LARGE1: variants seen among roughly 807,000 people sequenced by gnomAD.
The protein encoded by LARGE1 is LARGE xylosyl- and glucuronyltransferase 1.
A neutral mutation model predicts 87.6 loss-of-function variants in LARGE1; 43 were observed. That is an observed-to-expected ratio of 0.49 (90% confidence interval 0.38 to 0.63). The LOEUF (loss-of-function observed/expected upper bound fraction) is 0.63, where lower values mean the gene tolerates loss of function less well. LARGE1 is among the 30% of genes least tolerant of loss of function. The pLI is 0.00. For synonymous variants in LARGE1, 434 were observed against 394.6 expected (o/e 1.10, Z -1.18); for missense variants, 802 against 1,000.2 (o/e 0.80, Z 2.67).
At chr22:33,818,859 C>T (rs1044651027) in intron 1 of LARGE1, among the ~76,000 whole-genome samples, 5 of 152,172 alleles carry the variant, frequency 3.3e-5, no homozygotes, top group Admixed American at 2.6e-4. Context: ...AGGACTTCCC[C>T]CACCTTCAGG....
intron 6 of LARGE1, among the ~76,000 whole-genome samples, chr22:33,516,376 C>A (rs1318493956): frequency 1.3e-5 from 2 of 152,102 alleles, no homozygotes; most frequent in Non-Finnish European, 2.9e-5. Context: ...GACACAGGAT[C>A]TAAAGGGCCT....
At chr22:33,626,212 C>A in intron 4 of LARGE1, 32 bp downstream of exon 4, 1 of 1,589,288 alleles carries the variant, frequency 6.3e-7, no homozygotes, top group Non-Finnish European at 8.6e-7. Context: ...AGTGACAGAC[C>A]TCAGCCCACA....
At chr22:33,771,383 T>C (rs2085064275) in intron 1 of LARGE1, among the ~76,000 whole-genome samples, 1 of 152,082 alleles carries the variant, frequency 6.6e-6, no homozygotes, top group African/African-American at 2.4e-5. Context: ...GAAATCACAC[T>C]CTCAGGCTGG....
chr22:33,439,640 C>T (rs915521329), intron 6 of LARGE1, among the ~76,000 whole-genome samples: 14 of 152,162 alleles, frequency 9.2e-5, no homozygotes, highest in African/African-American at 3.1e-4. Flanking sequence ...ACACTATTGA[C>T]TGGAAGATGA....
At chr22:33,381,398 T>C (rs1321711444) in intron 9 of LARGE1, among the ~76,000 whole-genome samples, 2 of 152,174 alleles carry the variant, frequency 1.3e-5, no homozygotes, top group Non-Finnish European at 1.5e-5. Flanking sequence ...GCTTTTTCTG[T>C]CATTGTCCGC....
At chr22:33,358,265 A>G (rs1941082672) in intron 9 of LARGE1, among the ~76,000 whole-genome samples, 1 of 150,882 alleles carries the variant, frequency 6.6e-6, no homozygotes, top group South Asian at 2.1e-4. Flanking sequence ...GAAGGTAGTA[A>G]TTCGAGATTT....
At chr22:33,127,415 G>A in the LARGE1 span, among the ~76,000 whole-genome samples, 2 of 152,150 alleles carry the variant, frequency 1.3e-5, no homozygotes, top group African/African-American at 2.4e-5. Flanking sequence ...AGAGTTAAAC[G>A]CACTAAATAT....
chr22:33,632,743 G>C (rs774245495), intron 3 of LARGE1, among the ~76,000 whole-genome samples: 11 of 152,136 alleles, frequency 7.2e-5, no homozygotes, highest in Non-Finnish European at 1.6e-4. Context: ...CTGTTGGCTG[G>C]AAAGAAAGCA....
At chr22:33,572,200 A>G (rs945164168) in intron 5 of LARGE1, 41 of 1,290,840 alleles carry the variant, frequency 3.2e-5, no homozygotes, top group Non-Finnish European at 3.9e-5. Flanking sequence ...TTAAAAAATT[A>G]AAAAAAGAAG....
At chr22:33,830,463 C>T (rs979434456) in intron 1 of LARGE1, among the ~76,000 whole-genome samples, 6 of 152,144 alleles carry the variant, frequency 3.9e-5, no homozygotes, top group Non-Finnish European at 7.3e-5. Flanking sequence ...GACTCTTGTG[C>T]CAGATGGCCT....
chr22:33,715,737 A>G (rs2082889368), intron 2 of LARGE1, among the ~76,000 whole-genome samples: 1 of 152,144 alleles, frequency 6.6e-6, no homozygotes, highest in Non-Finnish European at 1.5e-5. Context: ...AACACATGGC[A>G]AGGACTGGAA....
In LARGE1 at chr22:33,761,425, G is replaced by A. The variant is rs1457282996; in HGVS notation, c.52C>T (p.Leu18Phe). 7.4e-6 allele frequency: 12 copies of A among 1,614,000 alleles called. No individual in the cohort carries two copies. The highest frequency in any genetic ancestry group is 1.0e-5 in the Non-Finnish European group (12 of 1,179,998). ...RRKFLAASLSLLCIPAITWIY... is the reference protein window; with the variant it reads ...RRKFLAASLSFLCIPAITWIY... ...CAGGTGATGGCTGGGATGCAGAGAA[G>A]ACTCAACGAGGCAGCCAAGAATTTC... The change falls in exon 2 of 15, where the codon CTT becomes TTT. Residue 18 changes from leucine to phenylalanine, a missense_variant. Physicochemically the swap from Leu to Phe is conservative, Grantham distance 22. Transcript: ENST00000397394.
intron 6 of LARGE1, among the ~76,000 whole-genome samples, chr22:33,446,400 C>G (rs2067687672): frequency 6.6e-6 from 1 of 152,312 alleles, no homozygotes; most frequent in South Asian, 2.1e-4. Flanking sequence ...TCTGACTTTG[C>G]AGCCTGGGGC....
At chr22:33,659,894 G>A (rs897909192) in intron 2 of LARGE1, among the ~76,000 whole-genome samples, 1 of 152,066 alleles carries the variant, frequency 6.6e-6, no homozygotes, top group South Asian at 2.1e-4. Flanking sequence ...TTCCAAGAAC[G>A]TTAGCTTAAA....
At chr22:33,646,093 A>C (rs1164519257) in intron 3 of LARGE1, among the ~76,000 whole-genome samples, 1 of 152,192 alleles carries the variant, frequency 6.6e-6, no homozygotes, top group Non-Finnish European at 1.5e-5. Flanking sequence ...CTGGGTATAT[A>C]CCCAAAGGAT....
the LARGE1 span, among the ~76,000 whole-genome samples, chr22:33,126,461 C>T: frequency 6.6e-6 from 1 of 152,212 alleles, no homozygotes; most frequent in South Asian, 2.1e-4. Context: ...AATTTTGTAT[C>T]GTGCATTGCT....
chr22:33,240,616 C>T (rs1043442874), intron 11 of LARGE1, among the ~76,000 whole-genome samples: 2 of 152,104 alleles, frequency 1.3e-5, no homozygotes, highest in African/African-American at 4.8e-5. Context: ...CCTAATTTTT[C>T]CTGGGTTTTC....
At chr22:33,766,965 T>TAC (rs2084927220) in intron 1 of LARGE1, among the ~76,000 whole-genome samples, 2 of 116,406 alleles carry the variant, frequency 1.7e-5, no homozygotes, top group African/African-American at 7.1e-5. Context: ...TATATATATA[T>TAC]ATACTTCCTG....
chr22:33,659,640 T>G (rs956864275), intron 2 of LARGE1, among the ~76,000 whole-genome samples: 1 of 151,264 alleles, frequency 6.6e-6, no homozygotes, highest in African/African-American at 2.4e-5. Context: ...TGCCCCAAAA[T>G]TCCCCTAAGT....
Sources: gnomAD v4.1 joint callset for allele counts (sites outside exome capture counted in the v4.1 genomes callset) on GRCh38, gnomAD v4.1.1 for gene constraint, MANE v1.5 for transcripts, NCBI Gene and HGNC (gene_info 2026-07-23, HGNC 2026-07-21) for gene names.